FAT4: variants seen among roughly 807,000 people sequenced by gnomAD.
FAT4 encodes the protein FAT atypical cadherin 4.
FAT4 carries 84 observed loss-of-function variants against 303.9 expected under a neutral mutation model. The ratio of observed to expected loss-of-function variants is 0.28; its 90% CI spans 0.23 to 0.33. The LOEUF is 0.33. Among genes scored for constraint, FAT4 ranks in the 10% least tolerant of loss-of-function variants. The pLI is 1.00. For missense variants in FAT4, 6,005 were observed against 6,146.8 expected, an observed-to-expected ratio of 0.98 and a Z score of 0.77; for synonymous variants, 2,307 against 2,298.8, an observed-to-expected ratio of 1.00 and a Z score of -0.10.
Position 125,491,419 on chromosome 4 carries a change from G to A in FAT4, c.14603G>A (p.Arg4868Lys). 6.2e-7 allele frequency: 1 copy of A among 1,614,080 alleles called. No individual in the cohort carries two copies. Among genetic ancestry groups the A allele is most frequent in the South Asian group, 1.1e-5 (1 of 91,084 alleles). Residue 4868 changes from arginine (R) to lysine (K), a missense_variant, in exon 18 of 18, where the codon AGA becomes AAA. By Grantham distance (26) the Arg-to-Lys change is conservative. Transcript: ENST00000394329. ...DREKPMVYTS[R>K]MPKLSQVNES... ...GAGAAGCCAATGGTATATACTTCCA[G>A]AATGCCCAAATTATCTCAAGTCAAT...
intron 11 of FAT4, 115 bp from the exon 12 acceptor site, chr4:125,468,397 G>A: frequency 1.4e-6 from 1 of 710,018 alleles, no homozygotes; most frequent in African/African-American, 1.8e-5. Context: ...TTTTTGGAAA[G>A]TAAAAAAAGT....
chr4:125,376,230 T>C (rs1733313279), intron 2 of FAT4, among the ~76,000 whole-genome samples: 1 of 152,252 alleles, frequency 6.6e-6, no homozygotes, highest in South Asian at 2.1e-4. Flanking sequence ...TTAAAACAAA[T>C]AAATTAAATT....
chr4:125,408,135 G>C (rs1268851777), intron 4 of FAT4, among the ~76,000 whole-genome samples: 1 of 152,040 alleles, frequency 6.6e-6, no homozygotes, highest in Non-Finnish European at 1.5e-5. Flanking sequence ...AATGTTGATT[G>C]AATTCATCAG....
chr4:125,407,699 A>G (rs1734672632), intron 4 of FAT4, among the ~76,000 whole-genome samples: 1 of 152,098 alleles, frequency 6.6e-6, no homozygotes, highest in African/African-American at 2.4e-5. Context: ...GTTATAAGAA[A>G]CTGAATCTTT....
chr4:125,454,902 A>G (rs1305732803), intron 10 of FAT4, among the ~76,000 whole-genome samples: 3 of 152,208 alleles, frequency 2.0e-5, no homozygotes, highest in Non-Finnish European at 4.4e-5. Context: ...AATTAGTAGT[A>G]GTAATAATGG....
intron 2 of FAT4, among the ~76,000 whole-genome samples, chr4:125,348,552 C>T (rs1044023410): frequency 4.0e-5 from 6 of 151,546 alleles, no homozygotes; most frequent in Non-Finnish European, 8.9e-5. Flanking sequence ...ACTAATTTTT[C>T]TCCACTCTAG....
chr4:125,392,398 C>T (rs1468904141), intron 2 of FAT4, among the ~76,000 whole-genome samples: 1 of 151,510 alleles, frequency 6.6e-6, no homozygotes, highest in African/African-American at 2.4e-5. Flanking sequence ...GCACTATTTG[C>T]CTTGATGCAT....
In FAT4 at chr4:125,487,488, T is replaced by C. The variant is rs1220068939; in HGVS notation, c.12966T>C (p.Val4322=). The C allele has an allele frequency of 6.2e-7, 1 of 1,613,990 alleles. No individual in the cohort carries two copies. Among genetic ancestry groups the C allele is most frequent in the African/African-American group, 1.3e-5 (1 of 74,918 alleles). The change falls in exon 17 of 18, where the codon GTT becomes GTC. Residue 4322 remains valine (V), a synonymous_variant. Coordinates refer to ENST00000394329, the MANE Select transcript of FAT4 (RefSeq NM_001291303.3). ...GKNGTATVLS[V]DRIYNRDIIH... ...ATGGAACAGCAACAGTATTGTCTGT[T>C]GACAGAATATATAACAGAGATATTA...
At chr4:125,353,171 A>C (rs78637491) in intron 2 of FAT4, among the ~76,000 whole-genome samples, 1 of 151,744 alleles carries the variant, frequency 6.6e-6, no homozygotes, top group Non-Finnish European at 1.5e-5. Context: ...ACTCAGTTCT[A>C]TAGAAAGTTT....
rs1730607426 is a variant in FAT4 at position 125,316,598 on chromosome 4, A to C, written c.187A>C (p.Thr63Pro). The change falls in exon 2 of 18, where the codon ACC (threonine) becomes CCC (proline). Residue 63 changes from threonine to proline, a missense_variant. By Grantham distance (38) the Thr-to-Pro change is conservative. Coordinates refer to ENST00000394329, the MANE Select transcript of FAT4 (RefSeq NM_001291303.3). This position sits in a 1 kb window ranked among gnomAD's most constrained non-coding sequence, Gnocchi z 5.7. ...GCAACCTCCAGGCACTCTGGTAGGC[A>C]CCATCCAGACGCGCCCCGGCTTCAC... is the stretch of plus-strand genomic sequence containing the variant. ...EEQPPGTLVG[T>P]IQTRPGFTYR... 1 of 1,613,970 alleles carries C rather than the reference A, an allele frequency of 6.2e-7. No homozygotes were observed. The highest frequency in any genetic ancestry group is 8.5e-7 in the Non-Finnish European group (1 of 1,180,036).
chr4:125,434,491 G>T lies in FAT4; in HGVS notation c.7199+66G>T, dbSNP rs2126044342. 4 of 1,375,598 alleles carry T rather than the reference G, an allele frequency of 2.9e-6. No homozygotes were observed. In the South Asian group the frequency reaches 4.8e-5, roughly 16 times the overall value. 85.2% of individuals were successfully genotyped at this position (1,375,598 alleles called of 1,614,324 possible). A position where few individuals can be genotyped will look rare whatever the true frequency, so the allele number is the denominator to read the frequency against. On this transcript the variant is annotated intron_variant, in intron 8 of 17. Transcript: ENST00000394329. The stretch of plus-strand genomic sequence containing the variant: ...TTAAACATTAGTTTTTGAACTACAT[G>T]AATATAATGTTTAATTTAAATGAAC...
intron 2 of FAT4, among the ~76,000 whole-genome samples, chr4:125,354,763 A>AC (rs1732362532): frequency 6.6e-6 from 1 of 151,378 alleles, no homozygotes; most frequent in Admixed American, 6.6e-5. Context: ...AAAAAAAAAA[A>AC]AAAAACTGGT....
chr4:125,319,491 CA>C lies in FAT4; in HGVS notation c.3083del (p.Asn1028MetfsTer27). The C allele has an allele frequency of 6.2e-7, 1 of 1,613,698 alleles. No homozygotes were observed. The highest frequency in any genetic ancestry group is 1.7e-5 in the Admixed American group (1 of 60,024). On this transcript the variant is annotated frameshift_variant, in exon 2 of 18. Transcript: ENST00000394329. LOFTEE classifies it high-confidence loss of function. ...KVQASDKDSG[A>X]NGEIAYTIAE... ...CAAGCTTCTGATAAGGATTCAGGAGCAAATGGTGAAATTGCATACACCATTG... is the reference window on the plus strand; with the variant it reads ...CAAGCTTCTGATAAGGATTCAGGAGCAATGGTGAAATTGCATACACCATTG...
At position 125,489,847 on chromosome 4, in the gene FAT4, C is replaced by CTTTTTTTTTTTTTT. The variant is rs60144993; in HGVS notation, c.13085-46_13085-33dup. 55 of 448,984 alleles carry CTTTTTTTTTTTTTT rather than the reference C, an allele frequency of 1.2e-4. 4 individuals carry two copies. The African/African-American group carries it at 1.3e-3, about 11-fold the overall frequency. The allele number at this position is 448,984 out of a possible 1,614,324, so 27.8% of individuals were successfully genotyped here. The stretch of plus-strand genomic sequence containing the variant: ...AGAACCCAGCAGTGTAGTATAAGCT[C>CTTTTTTTTTTTTTT]TTTTTTTTTTTTTTTTTTTTTGTAA... On this transcript the variant is annotated intron_variant, in intron 17 of 17. Transcript: ENST00000394329.
intron 2 of FAT4, among the ~76,000 whole-genome samples, chr4:125,347,241 A>G (rs969562872): frequency 4.0e-5 from 6 of 150,686 alleles, no homozygotes; most frequent in Admixed American, 1.3e-4. Context: ...TATTATGTCT[A>G]TGTATTTCAA....
intron 8 of FAT4, among the ~76,000 whole-genome samples, chr4:125,434,712 T>G (rs1230318759): frequency 6.6e-6 from 1 of 152,192 alleles, no homozygotes; most frequent in Non-Finnish European, 1.5e-5. Flanking sequence ...TGAGGTTGAC[T>G]GGTGGCACTT....
intron 7 of FAT4, among the ~76,000 whole-genome samples, chr4:125,433,155 G>C (rs1355961684): frequency 2.6e-5 from 4 of 152,104 alleles, no homozygotes; most frequent in African/African-American, 9.7e-5. Flanking sequence ...AATATGGTAA[G>C]GTTGTGAATC....
chr4:125,455,108 C>G (rs17009697), intron 10 of FAT4, among the ~76,000 whole-genome samples: 3,784 of 152,264 alleles, frequency 0.025, 164 homozygotes, highest in African/African-American at 0.088. Context: ...CCCAAAATTA[C>G]TTTATCGGCT....
chr4:125,383,971 TAA>T (rs1002593949), intron 2 of FAT4, among the ~76,000 whole-genome samples: 1 of 152,222 alleles, frequency 6.6e-6, no homozygotes, highest in African/African-American at 2.4e-5. Context: ...TCATTGAGCA[TAA>T]GAGGGATACT....
Sources: allele counts gnomAD v4.1 joint callset (sites outside exome capture counted in the v4.1 genomes callset), GRCh38; gene constraint gnomAD v4.1.1; non-coding constraint Gnocchi (gnomAD v3.1); transcripts MANE v1.5; gene names NCBI Gene and HGNC (gene_info 2026-07-23, HGNC 2026-07-21).